Variants in NBEA observed in about 807,000 individuals in gnomAD.
The protein encoded by NBEA is lysosomal-trafficking regulator 2.
A neutral mutation model predicts 343.4 loss-of-function variants in NBEA; 44 were observed. The ratio of observed to expected loss-of-function variants is 0.13; its 90% CI spans 0.10 to 0.16. The LOEUF (loss-of-function observed/expected upper bound fraction) is 0.16, where lower values mean the gene tolerates loss of function less well. Among genes scored for constraint, NBEA ranks in the 10% least tolerant of loss-of-function variants. The probability of loss-of-function intolerance (pLI) is 1.00; values close to 1 mark genes in which losing one functional copy is unlikely to be tolerated. For missense variants in NBEA, 2,555 were observed against 3,631.3 expected, an observed-to-expected ratio of 0.70 and a Z score of 7.62; for synonymous variants, 1,175 against 1,238.7, an observed-to-expected ratio of 0.95 and a Z score of 1.08.
chr13:35,625,972 C>T (rs1298131768), intron 48 of NBEA, among the ~76,000 whole-genome samples: 1 of 151,984 alleles, frequency 6.6e-6, no homozygotes, highest in Non-Finnish European at 1.5e-5. Context: ...TTATAAATCC[C>T]AAAGAAATTC....
chr13:35,316,428 G>C (rs2037724212), intron 36 of NBEA, among the ~76,000 whole-genome samples: 1 of 152,140 alleles, frequency 6.6e-6, no homozygotes, highest in East Asian at 1.9e-4. Flanking sequence ...CCCTGCAAAG[G>C]ACATGAACTC....
intron 33 of NBEA, among the ~76,000 whole-genome samples, chr13:35,222,131 T>G (rs963159692): frequency 1.3e-5 from 2 of 152,134 alleles, no homozygotes; most frequent in African/African-American, 2.4e-5. Flanking sequence ...TTAAAATGGC[T>G]TGGTTTTTTT....
intron 35 of NBEA, among the ~76,000 whole-genome samples, chr13:35,304,559 A>G (rs1046117183): frequency 2.6e-5 from 4 of 152,144 alleles, no homozygotes; most frequent in Admixed American, 6.6e-5. Context: ...GGGAAAACAT[A>G]TAATTGCAGT....
chr13:35,258,120 G>A (rs1000988068), intron 34 of NBEA, among the ~76,000 whole-genome samples: 22 of 150,018 alleles, frequency 1.5e-4, no homozygotes, highest in African/African-American at 5.4e-4. Flanking sequence ...ATAAGGTTTT[G>A]CAAACTTTTT....
At chr13:35,279,414 TC>T (rs1431585541) in intron 34 of NBEA, among the ~76,000 whole-genome samples, 1 of 152,220 alleles carries the variant, frequency 6.6e-6, no homozygotes, top group East Asian at 1.9e-4. Flanking sequence ...GTTCAGAGTT[TC>T]TTTGACTGAA....
At chr13:35,229,388 C>G (rs1427301416) in intron 33 of NBEA, among the ~76,000 whole-genome samples, 2 of 152,218 alleles carry the variant, frequency 1.3e-5, no homozygotes, top group Middle Eastern at 3.4e-3. Context: ...TCAAAAATCA[C>G]TCTTTAGAAT....
At chr13:35,577,989 A>G (rs2080828178) in intron 45 of NBEA, among the ~76,000 whole-genome samples, 2 of 152,230 alleles carry the variant, frequency 1.3e-5, no homozygotes, top group South Asian at 4.1e-4. Flanking sequence ...CAGGTAGTTC[A>G]TGACTAAAAA....
intron 30 of NBEA, among the ~76,000 whole-genome samples, chr13:35,188,307 C>T (rs1447029853): frequency 6.6e-6 from 1 of 150,502 alleles, no homozygotes; most frequent in Non-Finnish European, 1.5e-5. Context: ...TTTTCAAGTA[C>T]TGATACATTA....
chr13:35,090,830 A>G (rs1410712034), intron 10 of NBEA, among the ~76,000 whole-genome samples: 1 of 151,998 alleles, frequency 6.6e-6, no homozygotes, highest in Non-Finnish European at 1.5e-5. Context: ...TCACACAGCC[A>G]CTATTTCACA....
chr13:35,389,859 A>G (rs757802933), intron 38 of NBEA, among the ~76,000 whole-genome samples: 37 of 151,898 alleles, frequency 2.4e-4, no homozygotes, highest in Admixed American at 7.2e-4. Flanking sequence ...TACTAATTTT[A>G]TTATTCTCTC....
At chr13:35,231,292 C>G (rs2074958910) in intron 33 of NBEA, among the ~76,000 whole-genome samples, 1 of 152,054 alleles carries the variant, frequency 6.6e-6, no homozygotes, top group Middle Eastern at 3.4e-3. Context: ...TCTCTAATAG[C>G]TATTTAATTG....
chr13:35,546,067 G>A (rs55661442), intron 41 of NBEA, among the ~76,000 whole-genome samples: 96,398 of 151,436 alleles, frequency 0.64, 33,747 homozygotes, highest in Non-Finnish European at 0.78. Flanking sequence ...CATATATGGA[G>A]CACATATGTG....
chr13:35,396,892 C>T (rs927296211), intron 38 of NBEA, among the ~76,000 whole-genome samples: 2 of 152,122 alleles, frequency 1.3e-5, no homozygotes, highest in Non-Finnish European at 2.9e-5. Flanking sequence ...CCCTGTATTA[C>T]ATCAGATAGT....
intron 57 of NBEA, 90 bp downstream of exon 57, chr13:35,667,660 T>G (rs2085423382): frequency 1.7e-6 from 2 of 1,211,292 alleles, no homozygotes; most frequent in African/African-American, 1.5e-5. Context: ...ATAGAATGTC[T>G]GTGCTATCCA....
intron 22 of NBEA, among the ~76,000 whole-genome samples, chr13:35,160,730 A>G (rs1232952102): frequency 6.6e-6 from 1 of 152,056 alleles, no homozygotes; most frequent in African/African-American, 2.4e-5. Context: ...TTCAGTTTTG[A>G]CCTCACTGGA....
intron 41 of NBEA, among the ~76,000 whole-genome samples, chr13:35,546,252 G>A (rs2079052416): frequency 6.6e-6 from 1 of 152,116 alleles, no homozygotes; most frequent in Non-Finnish European, 1.5e-5. Context: ...ATCACTTGAG[G>A]TCAGGCATTC....
At chr13:35,449,697 T>C (rs535819292) in intron 39 of NBEA, among the ~76,000 whole-genome samples, 31 of 149,546 alleles carry the variant, frequency 2.1e-4, no homozygotes, top group Admixed American at 1.7e-3. Context: ...AGAATTAAGA[T>C]AAGGTTCTGA....
At chr13:35,142,110 T>C (rs1457702268) in intron 17 of NBEA, among the ~76,000 whole-genome samples, 159 bp from the exon 18 acceptor site, 1 of 152,254 alleles carries the variant, frequency 6.6e-6, no homozygotes, top group Non-Finnish European at 1.5e-5. Flanking sequence ...TAGGATACAG[T>C]TGTGTTACAA....
intron 38 of NBEA, among the ~76,000 whole-genome samples, chr13:35,378,856 T>C (rs1382009707): frequency 1.3e-5 from 2 of 152,060 alleles, no homozygotes; most frequent in Non-Finnish European, 2.9e-5. Context: ...CATTTATTTA[T>C]TTTGTTTACC....
Sources: gnomAD v4.1 joint callset for allele counts (sites outside exome capture counted in the v4.1 genomes callset) on GRCh38, gnomAD v4.1.1 for gene constraint, MANE v1.5 for transcripts, NCBI Gene and HGNC (gene_info 2026-07-23, HGNC 2026-07-21) for gene names.